The following DPYD variants were observed in gnomAD, a reference collection of about 807,000 sequenced individuals.
The protein encoded by DPYD is dihydropyrimidine dehydrogenase.
In DPYD, 109 loss-of-function variants were observed where a neutral mutation model predicts 116.2. That is an observed-to-expected ratio of 0.94 (90% CI 0.80 to 1.10). The LOEUF (loss-of-function observed/expected upper bound fraction) is 1.10. DPYD is among the 50% of genes least tolerant of loss of function. The probability of loss-of-function intolerance (pLI) is 0.00; values close to 1 mark genes in which losing one functional copy is unlikely to be tolerated. For synonymous variants in DPYD, 440 were observed against 432.0 expected, an observed-to-expected ratio of 1.02 and a Z score of -0.23; for missense variants, 1,302 against 1,254.5, an observed-to-expected ratio of 1.04 and a Z score of -0.57.
intron 4 of DPYD, among the ~76,000 whole-genome samples, chr1:97,733,735 T>C (rs981002847): frequency 1.3e-5 from 2 of 152,178 alleles, no homozygotes; most frequent in Non-Finnish European, 1.5e-5. Flanking sequence ...TAAAGCATGC[T>C]GGTGAAACAG....
At chr1:97,742,405 T>C (rs1046088460) in intron 3 of DPYD, among the ~76,000 whole-genome samples, 3 of 152,104 alleles carry the variant, frequency 2.0e-5, no homozygotes, top group Admixed American at 2.0e-4. Flanking sequence ...CTCTCTAAAT[T>C]AAATTTTACA....
chr1:97,437,604 A>G (rs1472999080), intron 14 of DPYD, among the ~76,000 whole-genome samples: 1 of 151,898 alleles, frequency 6.6e-6, no homozygotes, highest in East Asian at 1.9e-4. Flanking sequence ...TATGATGGGT[A>G]TATGTTTAAA....
intron 3 of DPYD, among the ~76,000 whole-genome samples, chr1:97,742,981 C>T (rs868546296): frequency 3.3e-5 from 5 of 151,932 alleles, no homozygotes; most frequent in African/African-American, 1.2e-4. Context: ...TGAATAATAA[C>T]ACAATTAAAA....
intron 15 of DPYD, among the ~76,000 whole-genome samples, chr1:97,374,778 CA>C (rs1188417525): frequency 7.1e-6 from 1 of 141,536 alleles, no homozygotes; most frequent in East Asian, 2.2e-4. Flanking sequence ...TGCAGTGGCT[CA>C]CAACTGTAAT....
intron 8 of DPYD, among the ~76,000 whole-genome samples, chr1:97,597,708 A>ATT (rs905923547): frequency 6.6e-6 from 1 of 152,182 alleles, no homozygotes; most frequent in Non-Finnish European, 1.5e-5. Context: ...GGAAGGAGAA[A>ATT]TTCTGTCTTA....
chr1:97,353,810 G>A (rs1230643701), intron 16 of DPYD, among the ~76,000 whole-genome samples: 1 of 152,088 alleles, frequency 6.6e-6, no homozygotes, highest in Non-Finnish European at 1.5e-5. Flanking sequence ...AAATAGCACT[G>A]TCTTCAAACT....
chr1:97,109,081 A>C (rs1352911159), intron 20 of DPYD, among the ~76,000 whole-genome samples: 1 of 152,166 alleles, frequency 6.6e-6, no homozygotes, highest in Non-Finnish European at 1.5e-5. Context: ...ATAAAACAGA[A>C]ATAACAATGA....
intron 7 of DPYD, among the ~76,000 whole-genome samples, chr1:97,686,175 AC>A (rs150146654): frequency 0.011 from 1,718 of 152,256 alleles, 34 homozygotes; most frequent in African/African-American, 0.039. Context: ...AAATAAGACC[AC>A]ACAATACAAC....
At chr1:97,348,491 A>G (rs1264513517) in intron 16 of DPYD, among the ~76,000 whole-genome samples, 1 of 152,156 alleles carries the variant, frequency 6.6e-6, no homozygotes, top group African/African-American at 2.4e-5. Flanking sequence ...AGGAAAACAC[A>G]GTTGTGTAAA....
intron 18 of DPYD, among the ~76,000 whole-genome samples, chr1:97,263,556 C>T (rs912556369): frequency 6.6e-6 from 1 of 151,878 alleles, no homozygotes; most frequent in African/African-American, 2.4e-5. Flanking sequence ...CTTATATAGC[C>T]ATTATTATTT....
At chr1:97,317,194 T>C (rs1667907537) in intron 16 of DPYD, among the ~76,000 whole-genome samples, 1 of 151,988 alleles carries the variant, frequency 6.6e-6, no homozygotes, top group Non-Finnish European at 1.5e-5. Flanking sequence ...TTATCTACCA[T>C]ACAAAAAGGG....
At chr1:97,192,487 CA>C in intron 20 of DPYD, among the ~76,000 whole-genome samples, 1 of 152,106 alleles carries the variant, frequency 6.6e-6, no homozygotes, top group South Asian at 2.1e-4. Flanking sequence ...AATACAAAGG[CA>C]AAATGCTGAA....
intron 3 of DPYD, among the ~76,000 whole-genome samples, chr1:97,808,133 G>T (rs985786061): frequency 2.6e-5 from 4 of 151,970 alleles, no homozygotes; most frequent in Admixed American, 1.3e-4. Flanking sequence ...GAATCATTTT[G>T]TCCATAAGCA....
intron 3 of DPYD, among the ~76,000 whole-genome samples, chr1:97,756,002 A>C (rs944470920): frequency 6.6e-6 from 1 of 152,166 alleles, no homozygotes; most frequent in African/African-American, 2.4e-5. Flanking sequence ...GGACTACCAC[A>C]TCAGTTACTG....
chr1:97,513,857 A>G (rs1647998909), intron 13 of DPYD, among the ~76,000 whole-genome samples: 1 of 151,906 alleles, frequency 6.6e-6, no homozygotes, highest in African/African-American at 2.4e-5. Context: ...GTAGACCTCT[A>G]TGAGGCAAAC....
chr1:97,137,059 T>C (rs1466675823), intron 20 of DPYD, among the ~76,000 whole-genome samples: 2 of 152,230 alleles, frequency 1.3e-5, no homozygotes, highest in East Asian at 3.9e-4. Flanking sequence ...ATATAGCAAA[T>C]GCCAAGTAAA....
At chr1:97,221,445 T>C (rs960690783) in intron 19 of DPYD, among the ~76,000 whole-genome samples, 15 of 142,858 alleles carry the variant, frequency 1.0e-4, no homozygotes, top group African/African-American at 3.5e-4. Context: ...TGCTTATTGA[T>C]ATACCCACAG....
intron 14 of DPYD, among the ~76,000 whole-genome samples, chr1:97,383,489 GA>G (rs367778205): frequency 4.8e-5 from 7 of 145,000 alleles, no homozygotes; most frequent in Non-Finnish European, 7.5e-5. Flanking sequence ...AAAAAAAAAA[GA>G]AAAAAAGAAA....
At chr1:97,195,944 CTGCAA>C (rs1264505236) in intron 19 of DPYD, among the ~76,000 whole-genome samples, 1 of 151,582 alleles carries the variant, frequency 6.6e-6, no homozygotes, top group Non-Finnish European at 1.5e-5. Flanking sequence ...TAGGAGAGAT[CTGCAA>C]TGGAGTAGAT....
Sources: allele counts gnomAD v4.1 joint callset (sites outside exome capture counted in the v4.1 genomes callset), GRCh38; gene constraint gnomAD v4.1.1; transcripts MANE v1.5; gene names NCBI Gene and HGNC (gene_info 2026-07-23, HGNC 2026-07-21).